The following GADD45GIP1 variants were observed in gnomAD, a reference collection of about 807,000 sequenced individuals.
GADD45GIP1 encodes GADD45G interacting protein 1.
Under a neutral mutation model 22.1 loss-of-function variants are expected in GADD45GIP1, and 17 were observed. The observed-to-expected ratio is 0.77, with a 90% CI of 0.53 to 1.15. The LOEUF is 1.15. Among genes scored for constraint, GADD45GIP1 ranks in the 50% most tolerant of loss-of-function variants. GADD45GIP1 has a pLI of 0.00. For missense variants in GADD45GIP1, 294 were observed against 314.0 expected (o/e 0.94, Z 0.48); for synonymous variants, 135 against 138.4 (o/e 0.98, Z 0.17).
rs1971874803 is a variant in GADD45GIP1 at position 12,953,558 on chromosome 19, C to T, written c.*650G>A. On this transcript the variant is annotated 3_prime_UTR_variant, in exon 2 of 2. Coordinates refer to ENST00000316939, the MANE Select transcript of GADD45GIP1 (RefSeq NM_052850.4). ...CTCCAGCCTGGAGAAGGGCTAACATCAGCTCATTGTCAAGGCCACCCCCAC... is the reference window on the plus strand; with the variant it reads ...CTCCAGCCTGGAGAAGGGCTAACATTAGCTCATTGTCAAGGCCACCCCCAC... 1 of 153,884 alleles carries T rather than the reference C, an allele frequency of 6.5e-6. No homozygotes were observed. The highest frequency in any genetic ancestry group is 1.4e-5 in the Non-Finnish European group (1 of 69,090). The allele number at this position is 153,884 out of a possible 1,614,324, so 9.5% of individuals were successfully genotyped here. A position where few individuals can be genotyped will look rare whatever the true frequency, so the allele number is the denominator to read the frequency against.
Position 12,954,003 on chromosome 19 carries a change from C to A in GADD45GIP1, c.*205G>T. 1.7e-6 allele frequency: 1 copy of A among 572,232 alleles called. No homozygotes were observed. Among genetic ancestry groups the A allele is most frequent in the Admixed American group, 3.3e-5 (1 of 30,572 alleles). The allele number at this position is 572,232 out of a possible 1,614,324, so 35.4% of individuals were successfully genotyped here. Reference sequence around the variant, plus strand: ...TTCTCCATTATTTGCCCATTGTACACCCCCCTTTTCCTCCCACTGAAGCCC... The same window carrying A: ...TTCTCCATTATTTGCCCATTGTACAACCCCCTTTTCCTCCCACTGAAGCCC... On this transcript the variant is annotated 3_prime_UTR_variant, in exon 2 of 2. Coordinates refer to ENST00000316939, the MANE Select transcript of GADD45GIP1 (RefSeq NM_052850.4).
In GADD45GIP1 at chr19:12,953,170, TA is replaced by T. The variant is rs971153618; in HGVS notation, c.*1037del. ...AAATGGAAAAAAAAATCAAAAATCT[TA>T]AAAAAACAAGCAAACAGTCCAGCTT... On this transcript the variant is annotated 3_prime_UTR_variant, in exon 2 of 2. Transcript: ENST00000316939. 3 of 725,444 alleles carry T rather than the reference TA, an allele frequency of 4.1e-6. No homozygotes were observed. The highest frequency in any genetic ancestry group is 6.4e-6 in the Non-Finnish European group (3 of 472,076). The allele number at this position is 725,444 out of a possible 1,614,324, so 44.9% of individuals were successfully genotyped here.
intron 1 of GADD45GIP1, among the ~76,000 whole-genome samples, chr19:12,955,726 T>C (rs1971916179): frequency 6.6e-6 from 1 of 151,976 alleles, no homozygotes; most frequent in African/African-American, 2.4e-5. Context: ...CCGGGTGTGG[T>C]GGTGGGCGCT....
At chr19:12,955,286 T>A (rs928112071) in intron 1 of GADD45GIP1, among the ~76,000 whole-genome samples, 1 of 152,176 alleles carries the variant, frequency 6.6e-6, no homozygotes, top group African/African-American at 2.4e-5. Flanking sequence ...CGTTCTTTTT[T>A]ATGACAGCCT....
chr19:12,956,917 A>C lies in GADD45GIP1; in HGVS notation c.296T>G (p.Met99Arg). Residue 99 changes from methionine (M) to arginine (R), a missense_variant, in exon 1 of 2, where the codon ATG (methionine) becomes AGG (arginine). Physicochemically the swap from Met to Arg is moderately conservative, Grantham distance 91. Transcript: ENST00000316939. ...CTGCTTCACCCGCAGCGACTCCTGC[A>C]TGGTCGCCAGGCTCGGGTACCATTC... Reference protein sequence around the residue: ...EREWYPSLATMQESLRVKQLA... With the variant: ...EREWYPSLATRQESLRVKQLA... 1 of 1,599,802 alleles carries C rather than the reference A, an allele frequency of 6.3e-7. No homozygotes were observed. Among genetic ancestry groups the C allele is most frequent in the African/African-American group, 1.3e-5 (1 of 75,030 alleles).
In GADD45GIP1 at chr19:12,954,516, T is replaced by TGTGC; in HGVS notation, c.357_360dup (p.Ile121AlafsTer30). On this transcript the variant is annotated frameshift_variant, in exon 2 of 2. Transcript: ENST00000316939. LOFTEE classifies it high-confidence loss of function. ...GGCATCTTGGCCATGCACTCTGCGA[T>TGTGC]GTGCTGCTCCCTGCAGGGGAGGGAG... 6.2e-7 allele frequency: 1 copy of TGTGC among 1,611,480 alleles called. No individual in the cohort carries two copies. Among genetic ancestry groups the TGTGC allele is most frequent in the African/African-American group, 1.3e-5 (1 of 75,014 alleles).
intron 1 of GADD45GIP1, 133 bp downstream of exon 1, chr19:12,956,730 G>T (rs1025066611): frequency 1.5e-5 from 11 of 711,008 alleles, no homozygotes; most frequent in East Asian, 1.5e-4. Context: ...TTGTTTTGCG[G>T]CCAGGTGAGC....
chr19:12,954,041 A>G lies in GADD45GIP1; in HGVS notation c.*167T>C. On this transcript the variant is annotated 3_prime_UTR_variant, in exon 2 of 2. Transcript: ENST00000316939. ...CCCACTGAAGCCCCAGTTAGTCAGC[A>G]GGGCCTAGAGTCCCTGTCCCCTTTT... 1.6e-6 allele frequency: 1 copy of G among 638,622 alleles called. No homozygotes were observed. The highest frequency in any genetic ancestry group is 2.8e-6 in the Non-Finnish European group (1 of 362,666). 39.6% of individuals were successfully genotyped at this position (638,622 alleles called of 1,614,324 possible).
chr19:12,956,389 C>T (rs1291907852), intron 1 of GADD45GIP1, among the ~76,000 whole-genome samples: 1 of 152,216 alleles, frequency 6.6e-6, no homozygotes, highest in East Asian at 1.9e-4. Context: ...CGTGATGGCT[C>T]ACACCTGTAA....
At position 12,956,905 on chromosome 19, in the gene GADD45GIP1, A is replaced by C. The variant is rs1280571192; in HGVS notation, c.308T>G (p.Leu103Arg). The C allele has an allele frequency of 6.3e-7, 1 of 1,599,578 alleles. No individual in the cohort carries two copies. The highest frequency in any genetic ancestry group is 1.3e-5 in the African/African-American group (1 of 74,882). Residue 103 changes from leucine (L) to arginine (R), a missense_variant, in exon 1 of 2, where the codon CTG becomes CGG. Transcript: ENST00000316939. ...CTCTTCGGCCAGCTGCTTCACCCGC[A>C]GCGACTCCTGCATGGTCGCCAGGCT... The part of the protein sequence containing the change: ...YPSLATMQES[L>R]RVKQLAEEQK...
intron 1 of GADD45GIP1, among the ~76,000 whole-genome samples, chr19:12,955,423 C>G (rs1226375617): frequency 6.6e-6 from 1 of 152,168 alleles, no homozygotes; most frequent in Admixed American, 6.5e-5. Context: ...CTTCACTTCA[C>G]CAAGCCTCAG....
Position 12,954,096 on chromosome 19 carries a change from T to A in GADD45GIP1, c.*112A>T. On this transcript the variant is annotated 3_prime_UTR_variant, in exon 2 of 2. Transcript: ENST00000316939. ...ACAGCCAAGTGGGGGATTCCCCAGC[T>A]CTTAAGTATTGGGGGAGGAACCAGG... The A allele has an allele frequency of 1.1e-6, 1 of 918,188 alleles. No homozygotes were observed. Among genetic ancestry groups the A allele is most frequent in the South Asian group, 1.6e-5 (1 of 61,994 alleles). The allele number at this position is 918,188 out of a possible 1,614,324, so 56.9% of individuals were successfully genotyped here.
rs773222081 is a variant in GADD45GIP1, at chr19:12,953,676, G to A, written c.*532C>T. On this transcript the variant is annotated 3_prime_UTR_variant, in exon 2 of 2. Coordinates refer to ENST00000316939, the MANE Select transcript of GADD45GIP1 (RefSeq NM_052850.4). ...GTCTGTGCCTGCTGGGGCTCCCCGC[G>A]CCCACCTGTCTGGGTCTTGGGGGGC... 1.0e-4 allele frequency: 16 copies of A among 156,192 alleles called. No homozygotes were observed. Among genetic ancestry groups the A allele is most frequent in the Non-Finnish European group, 1.7e-4 (12 of 70,572 alleles). 9.7% of individuals were successfully genotyped at this position (156,192 alleles called of 1,614,324 possible).
rs928456643 is a variant in GADD45GIP1, at chr19:12,953,895, T to TC, written c.*312dup. ...CACCACAGTCTGTTTTGGCTATACT[T>TC]CCCCCCCCACCAGCCTTGTAATTGG... On this transcript the variant is annotated 3_prime_UTR_variant, in exon 2 of 2. Transcript: ENST00000316939. The TC allele has an allele frequency of 5.0e-4, 162 of 323,172 alleles. No homozygotes were observed. Among genetic ancestry groups the TC allele is most frequent in the South Asian group, 1.8e-3 (37 of 20,470 alleles). The allele number at this position is 323,172 out of a possible 1,614,324, so 20.0% of individuals were successfully genotyped here. A position where few individuals can be genotyped will look rare whatever the true frequency, so the allele number is the denominator to read the frequency against.
chr19:12,956,281 A>G (rs1269638356), intron 1 of GADD45GIP1, among the ~76,000 whole-genome samples: 1 of 152,190 alleles, frequency 6.6e-6, no homozygotes, highest in African/African-American at 2.4e-5. Context: ...TCGGCCTCCC[A>G]AATAACTGGG....
rs753483731 is a variant in GADD45GIP1, at chr19:12,954,405, C to G, written c.472G>C (p.Ala158Pro). 6.2e-7 allele frequency: 1 copy of G among 1,614,222 alleles called. No individual in the cohort carries two copies. The highest frequency in any genetic ancestry group is 8.5e-7 in the Non-Finnish European group (1 of 1,180,026). ...ADKERRARLQ[A>P]EAQELLGYQV... ...TAGCCCAGGAGCTCCTGGGCCTCAGCCTGCAGTCGGGCCCTCCTCTCCTTG... is the reference window on the plus strand; with the variant it reads ...TAGCCCAGGAGCTCCTGGGCCTCAGGCTGCAGTCGGGCCCTCCTCTCCTTG... The change falls in exon 2 of 2, where the codon GCT (alanine) becomes CCT (proline). Residue 158 changes from alanine to proline, a missense_variant. Physicochemically the swap from Ala to Pro is conservative, Grantham distance 27. Transcript: ENST00000316939.
At chr19:12,955,582 C>T (rs935264163) in intron 1 of GADD45GIP1, among the ~76,000 whole-genome samples, 1 of 151,300 alleles carries the variant, frequency 6.6e-6, no homozygotes, top group Non-Finnish European at 1.5e-5. Context: ...TGGTCTGGCC[C>T]GACGCGGTGG....
intron 1 of GADD45GIP1, among the ~76,000 whole-genome samples, chr19:12,955,680 C>T (rs1035239935): frequency 6.6e-6 from 1 of 151,794 alleles, no homozygotes; most frequent in Non-Finnish European, 1.5e-5. Context: ...GCCAATATGG[C>T]GAAACCCCAT....
At chr19:12,956,820 C>G in intron 1 of GADD45GIP1, 43 bp downstream of exon 1, 1 of 1,562,944 alleles carries the variant, frequency 6.4e-7, no homozygotes, top group South Asian at 1.1e-5. Flanking sequence ...AGTTCGCCCA[C>G]GGGGCACAGA....
Sources: gnomAD v4.1 joint callset for allele counts (sites outside exome capture counted in the v4.1 genomes callset) on GRCh38, gnomAD v4.1.1 for gene constraint, MANE v1.5 for transcripts, NCBI Gene and HGNC (gene_info 2026-07-23, HGNC 2026-07-21) for gene names.